Variants in PRKN observed in about 807,000 individuals in gnomAD.
PRKN encodes the protein parkin RBR E3 ubiquitin protein ligase, also known as E3 ubiquitin-protein ligase parkin.
Under a neutral mutation model 59.5 loss-of-function variants are expected in PRKN, and 56 were observed. The observed-to-expected ratio is 0.94, with a 90% confidence interval of 0.76 to 1.18. The LOEUF is 1.18. Ranked by LOEUF, PRKN falls within the 50% of genes most tolerant of loss-of-function variation. The pLI is 0.00. For missense variants in PRKN, 657 were observed against 596.4 expected (o/e 1.10, Z -1.06); for synonymous variants, 250 against 222.1 (o/e 1.13, Z -1.12).
chr6:162,564,475 G>A (rs1779978694), intron 1 of PRKN, among the ~76,000 whole-genome samples: 1 of 152,048 alleles, frequency 6.6e-6, no homozygotes, highest in Non-Finnish European at 1.5e-5. Flanking sequence ...CCTAGAGAAA[G>A]ATATCAATAT....
chr6:162,033,336 T>C (rs1022887904), intron 5 of PRKN, among the ~76,000 whole-genome samples: 2 of 152,232 alleles, frequency 1.3e-5, no homozygotes, highest in African/African-American at 4.8e-5. Flanking sequence ...TTTTTACTTT[T>C]ATACTTTTAT....
intron 7 of PRKN, among the ~76,000 whole-genome samples, chr6:161,635,083 A>G (rs1386012298): frequency 6.6e-6 from 1 of 152,172 alleles, no homozygotes; most frequent in Non-Finnish European, 1.5e-5. Context: ...CTTGGGAATC[A>G]TTTTGTCTGA....
chr6:162,296,022 A>G (rs1781658246), intron 2 of PRKN, among the ~76,000 whole-genome samples: 1 of 152,346 alleles, frequency 6.6e-6, no homozygotes, highest in East Asian at 1.9e-4. Flanking sequence ...CAATTTTGGA[A>G]AAGTAAAAAT....
chr6:162,516,709 G>A (rs1777876833), intron 1 of PRKN, among the ~76,000 whole-genome samples: 2 of 150,218 alleles, frequency 1.3e-5, no homozygotes, highest in Non-Finnish European at 2.9e-5. Flanking sequence ...CTTGCAGTGA[G>A]CCGAGATGGC....
chr6:162,557,877 C>T (rs1779675027), intron 1 of PRKN, among the ~76,000 whole-genome samples: 1 of 152,154 alleles, frequency 6.6e-6, no homozygotes, highest in South Asian at 2.1e-4. Flanking sequence ...CTCAAAGATG[C>T]TACTGCATCA....
At chr6:161,431,324 A>G (rs930371580) in intron 9 of PRKN, among the ~76,000 whole-genome samples, 1 of 152,052 alleles carries the variant, frequency 6.6e-6, no homozygotes, top group Non-Finnish European at 1.5e-5. Context: ...AAACATAACA[A>G]ATGTTTTTAG....
intron 5 of PRKN, among the ~76,000 whole-genome samples, chr6:162,005,088 T>A (rs527758109): frequency 6.6e-6 from 1 of 152,306 alleles, no homozygotes; most frequent in South Asian, 2.1e-4. Context: ...TCTGAAGATA[T>A]GCCTGAAAAA....
chr6:162,067,538 T>G (rs111384694), intron 4 of PRKN, among the ~76,000 whole-genome samples: 1 of 152,218 alleles, frequency 6.6e-6, no homozygotes, highest in African/African-American at 2.4e-5. Flanking sequence ...AAGTTGACCA[T>G]AAAACCCAAA....
chr6:162,503,702 C>T (rs1223849851), intron 1 of PRKN, among the ~76,000 whole-genome samples: 1 of 152,078 alleles, frequency 6.6e-6, no homozygotes, highest in African/African-American at 2.4e-5. Flanking sequence ...ATTATCTAAA[C>T]GTAAATTAAG....
intron 5 of PRKN, among the ~76,000 whole-genome samples, chr6:162,011,830 A>C (rs920215495): frequency 1.3e-5 from 2 of 152,028 alleles, no homozygotes; most frequent in South Asian, 4.1e-4. Context: ...AATAGCAACT[A>C]TCAAATTATT....
intron 6 of PRKN, among the ~76,000 whole-genome samples, chr6:161,956,467 T>C (rs1424129047): frequency 6.6e-6 from 1 of 152,102 alleles, no homozygotes; most frequent in Non-Finnish European, 1.5e-5. Context: ...TGGCATAAAA[T>C]AGCACAAATG....
intron 6 of PRKN, among the ~76,000 whole-genome samples, chr6:161,882,237 C>T (rs1298867517): frequency 6.6e-6 from 1 of 152,088 alleles, no homozygotes; most frequent in Admixed American, 6.6e-5. Context: ...TTTGTTTGTA[C>T]TTTTTATTCT....
At chr6:161,493,664 C>T (rs1259358129) in intron 9 of PRKN, among the ~76,000 whole-genome samples, 10 of 152,226 alleles carry the variant, frequency 6.6e-5, no homozygotes, top group East Asian at 1.9e-4. Flanking sequence ...GAGGGAGGGA[C>T]GCTGGCAACA....
At chr6:161,776,578 G>A (rs1368532836) in intron 7 of PRKN, among the ~76,000 whole-genome samples, 1 of 152,190 alleles carries the variant, frequency 6.6e-6, no homozygotes, top group Non-Finnish European at 1.5e-5. Context: ...CCACCCCAGA[G>A]TAGTTCTTAA....
Position 161,400,541 on chromosome 6 carries a change from T to C in PRKN, c.1084-13664A>G, listed in dbSNP as rs535637762. Among the ~76,000 whole-genome samples, 1 of 152,034 alleles carries C rather than the reference T, an allele frequency of 6.6e-6. No individual in the cohort carries two copies. The highest frequency in any genetic ancestry group is 2.1e-4 in the South Asian group (1 of 4,824). ...ATTGGCCAGGCTGGTCTCAAACCCC[T>C]GACCTCAGGTAATCCGTTCCCCTCA... On this transcript the variant is annotated intron_variant, in intron 9 of 11. Transcript: ENST00000366898. This position sits in a 1 kb window ranked among gnomAD's most constrained non-coding sequence, Gnocchi z 4.2.
intron 7 of PRKN, among the ~76,000 whole-genome samples, chr6:161,583,856 T>A (rs1781432698): frequency 6.6e-6 from 1 of 152,228 alleles, no homozygotes; most frequent in South Asian, 2.1e-4. Context: ...CTAATGATCA[T>A]ATTGGTGTCA....
At chr6:162,099,898 T>G (rs1448822032) in intron 4 of PRKN, among the ~76,000 whole-genome samples, 1 of 152,220 alleles carries the variant, frequency 6.6e-6, no homozygotes, top group Non-Finnish European at 1.5e-5. Flanking sequence ...GAAAGTTTGC[T>G]TCCTGTGACC....
intron 7 of PRKN, among the ~76,000 whole-genome samples, chr6:161,739,818 G>A (rs186374544): frequency 5.3e-5 from 8 of 151,842 alleles, no homozygotes; most frequent in Admixed American, 2.6e-4. Flanking sequence ...GCAGTGGCAC[G>A]ATTTCTACTC....
At chr6:162,413,655 C>T (rs954035964) in intron 2 of PRKN, among the ~76,000 whole-genome samples, 2 of 152,158 alleles carry the variant, frequency 1.3e-5, no homozygotes, top group African/African-American at 4.8e-5. Context: ...AACATTGCCG[C>T]TATTTTCACT....
Sources: allele counts gnomAD v4.1 joint callset (sites outside exome capture counted in the v4.1 genomes callset), GRCh38; gene constraint gnomAD v4.1.1; non-coding constraint Gnocchi (gnomAD v3.1); transcripts MANE v1.5; gene names NCBI Gene and HGNC (gene_info 2026-07-23, HGNC 2026-07-21).